The following AGBL4 variants were observed in gnomAD, a reference collection of about 807,000 sequenced individuals.
AGBL4 encodes the protein AGBL carboxypeptidase 4, also known as cytosolic carboxypeptidase 6.
AGBL4 carries 58 observed loss-of-function variants against 66.4 expected under a neutral mutation model. The observed-to-expected ratio is 0.87, with a 90% confidence interval of 0.71 to 1.09. The LOEUF (loss-of-function observed/expected upper bound fraction) is 1.09. Ranked by LOEUF, AGBL4 falls within the 50% of genes least tolerant of loss-of-function variation. AGBL4 has a pLI of 0.00. For missense variants in AGBL4, 579 were observed against 631.0 expected, an observed-to-expected ratio of 0.92 and a Z score of 0.88; for synonymous variants, 234 against 222.9, an observed-to-expected ratio of 1.05 and a Z score of -0.44.
At chr1:48,710,246 T>C (rs1646944904) in intron 6 of AGBL4, among the ~76,000 whole-genome samples, 1 of 152,144 alleles carries the variant, frequency 6.6e-6, no homozygotes, top group South Asian at 2.1e-4. Context: ...GAGGTTTACC[T>C]GAGGCACAGT....
chr1:49,801,222 G>A (rs1441258296), intron 2 of AGBL4, among the ~76,000 whole-genome samples: 1 of 152,190 alleles, frequency 6.6e-6, no homozygotes, highest in African/African-American at 2.4e-5. Context: ...TCTAAGAGCT[G>A]AGGGCAGATT....
intron 11 of AGBL4, among the ~76,000 whole-genome samples, chr1:48,543,431 T>C (rs529519178): frequency 2.0e-5 from 3 of 148,042 alleles, no homozygotes; most frequent in Admixed American, 1.4e-4. Context: ...TCCATCCATC[T>C]ACCCGTCCAT....
intron 1 of AGBL4, among the ~76,000 whole-genome samples, chr1:49,868,108 C>T (rs1451330339): frequency 3.9e-5 from 6 of 152,016 alleles, no homozygotes; most frequent in Non-Finnish European, 8.8e-5. Context: ...CAAACCACTG[C>T]TCAAGGAAAT....
rs561488581 is a variant in AGBL4, at chr1:49,650,519, G to A, written c.282+46794C>T. On this transcript the variant is annotated intron_variant, in intron 3 of 13. Coordinates refer to ENST00000371839, the MANE Select transcript of AGBL4 (RefSeq NM_032785.4). ...GGAGGTGCATTCACACTCCCCTCAG[G>A]CCTAAACTGACATAGCAGGTGCCAC... is the stretch of plus-strand genomic sequence containing the variant. Among the ~76,000 whole-genome samples the A allele has an allele frequency of 2.6e-5, 4 of 152,258 alleles. No homozygotes were observed. In the South Asian group the frequency reaches 8.3e-4, roughly 32 times the overall value.
chr1:49,342,543 A>G (rs556924970), intron 3 of AGBL4, among the ~76,000 whole-genome samples: 1 of 152,186 alleles, frequency 6.6e-6, no homozygotes, highest in African/African-American at 2.4e-5. Context: ...AGAGGGCAGG[A>G]ATTTTGCAGT....
intron 3 of AGBL4, among the ~76,000 whole-genome samples, chr1:49,296,267 G>T (rs1207302280): frequency 6.6e-6 from 1 of 152,138 alleles, no homozygotes; most frequent in Non-Finnish European, 1.5e-5. Context: ...GAGAAATCAA[G>T]TTACATTCCT....
In AGBL4 at chr1:48,751,878, T is replaced by A. The variant is rs569297283; in HGVS notation, c.635-88637A>T. Among the ~76,000 whole-genome samples the A allele has an allele frequency of 3.3e-5, 5 of 152,340 alleles. No homozygotes were observed. In the South Asian group the frequency reaches 1.0e-3, roughly 32 times the overall value. On this transcript the variant is annotated intron_variant, in intron 6 of 13. Coordinates refer to ENST00000371839, the MANE Select transcript of AGBL4 (RefSeq NM_032785.4). Reference sequence around the variant, plus strand: ...AAAGGGGAAGGAGGGTCCTGAATTGTTCGGCCACCCTGAAATCAACTTTTA... The same window carrying A: ...AAAGGGGAAGGAGGGTCCTGAATTGATCGGCCACCCTGAAATCAACTTTTA...
intron 2 of AGBL4, among the ~76,000 whole-genome samples, chr1:49,729,811 A>G (rs1208126175): frequency 6.6e-6 from 1 of 152,166 alleles, no homozygotes; most frequent in Non-Finnish European, 1.5e-5. Context: ...AGATATATTG[A>G]TAGCAGCAAG....
chr1:48,770,455 CT>C (rs1324915535), intron 6 of AGBL4, among the ~76,000 whole-genome samples: 1 of 152,160 alleles, frequency 6.6e-6, no homozygotes. Context: ...TCCCCAGTCA[CT>C]TTTTTTTCAG....
chr1:48,850,164 T>G (rs546170338), intron 6 of AGBL4, among the ~76,000 whole-genome samples: 4 of 152,276 alleles, frequency 2.6e-5, no homozygotes, highest in Non-Finnish European at 5.9e-5. Context: ...GACTATACTT[T>G]GAGAACAAAT....
intron 5 of AGBL4, among the ~76,000 whole-genome samples, chr1:48,925,486 C>T (rs1308703336): frequency 6.6e-6 from 1 of 152,104 alleles, no homozygotes; most frequent in South Asian, 2.1e-4. Context: ...AATTTGTAAA[C>T]TTTCTTAAAA....
At chr1:49,636,614 C>T (rs1479175329) in intron 3 of AGBL4, among the ~76,000 whole-genome samples, 1 of 152,036 alleles carries the variant, frequency 6.6e-6, no homozygotes, top group Non-Finnish European at 1.5e-5. Flanking sequence ...AGAAACTAGA[C>T]ATAAAAATGT....
intron 3 of AGBL4, among the ~76,000 whole-genome samples, chr1:49,523,909 G>A (rs1029426035): frequency 1.3e-5 from 2 of 151,804 alleles, no homozygotes; most frequent in East Asian, 1.9e-4. Flanking sequence ...AAATAGCAAG[G>A]GCCTCAGTCA....
chr1:49,562,305 T>G (rs1173179644), intron 3 of AGBL4, among the ~76,000 whole-genome samples: 2 of 152,164 alleles, frequency 1.3e-5, no homozygotes, highest in African/African-American at 2.4e-5. Flanking sequence ...AGAAGCTCTT[T>G]AGTTTAATTA....
intron 4 of AGBL4, among the ~76,000 whole-genome samples, chr1:49,154,299 C>T (rs1473954763): frequency 1.3e-5 from 2 of 151,444 alleles, no homozygotes; most frequent in Non-Finnish European, 2.9e-5. Flanking sequence ...ACAGTACCTG[C>T]TTTACAGAGT....
At chr1:49,618,461 T>C (rs1485843342) in intron 3 of AGBL4, among the ~76,000 whole-genome samples, 1 of 132,070 alleles carries the variant, frequency 7.6e-6, no homozygotes, top group Non-Finnish European at 1.8e-5. Flanking sequence ...AATTCTGAAA[T>C]TGAGGCAGTA....
intron 3 of AGBL4, among the ~76,000 whole-genome samples, chr1:49,296,919 T>C (rs1266894240): frequency 3.3e-5 from 5 of 152,214 alleles, no homozygotes; most frequent in Non-Finnish European, 5.9e-5. Context: ...TTTAACCAAG[T>C]GGCACAATAG....
intron 3 of AGBL4, among the ~76,000 whole-genome samples, chr1:49,599,557 A>G (rs2124147384): frequency 6.6e-6 from 1 of 152,202 alleles, no homozygotes; most frequent in African/African-American, 2.4e-5. Context: ...GATCTTTTCA[A>G]AAAACCAGCT....
At chr1:49,919,693 C>T (rs1651988486) in intron 1 of AGBL4, among the ~76,000 whole-genome samples, 1 of 152,008 alleles carries the variant, frequency 6.6e-6, no homozygotes, top group Non-Finnish European at 1.5e-5. Flanking sequence ...AATGCCATCC[C>T]CATCAAGCTA....
Sources: allele counts gnomAD v4.1 joint callset (sites outside exome capture counted in the v4.1 genomes callset), GRCh38; gene constraint gnomAD v4.1.1; transcripts MANE v1.5; gene names NCBI Gene and HGNC (gene_info 2026-07-23, HGNC 2026-07-21).